The following OSGIN1 variants were observed in gnomAD, a reference collection of about 807,000 sequenced individuals.
OSGIN1 encodes the protein oxidative stress induced growth inhibitor 1.
OSGIN1 carries 19 observed loss-of-function variants against 20.1 expected under a neutral mutation model. The ratio of observed to expected loss-of-function variants is 0.95; its 90% CI spans 0.66 to 1.39. OSGIN1 has a LOEUF of 1.39. OSGIN1 is among the 40% of genes most tolerant of loss of function. The pLI is 0.00. For synonymous variants in OSGIN1, 368 were observed against 297.8 expected (o/e 1.24, Z -2.43); for missense variants, 820 against 653.0 (o/e 1.26, Z -2.79).
At chr16:83,954,993 A>C (rs1908858285) in intron 1 of OSGIN1, among the ~76,000 whole-genome samples, 1 of 152,082 alleles carries the variant, frequency 6.6e-6, no homozygotes. Flanking sequence ...ACGGGGATCA[A>C]ATATCAGTTC....
chr16:83,961,192 G>A (rs1481694717), intron 5 of OSGIN1, 120 bp downstream of exon 5: 5 of 754,258 alleles, frequency 6.6e-6, no homozygotes, highest in Non-Finnish European at 1.1e-5. Flanking sequence ...GGACGCGCCC[G>A]TGACAGCCTC....
chr16:83,961,232 G>T (rs902683028), intron 5 of OSGIN1, 160 bp downstream of exon 5: 1 of 612,680 alleles, frequency 1.6e-6, no homozygotes, highest in African/African-American at 1.8e-5. Flanking sequence ...TGCCCAAGGT[G>T]ATCCGGCACA....
chr16:83,965,333 C>A lies in OSGIN1; in HGVS notation c.760C>A (p.Arg254=), dbSNP rs199961054. ...LATGTFDSPA[R]LGIPGEALPF... is the part of the protein sequence containing the mutation. ...CACAGGCACGTTCGACAGCCCGGCC[C>A]GGCTGGGCATCCCCGGGGAGGCCCT... Residue 254 remains arginine (R), a synonymous_variant, in exon 6 of 6, where the codon CGG becomes AGG. Coordinates refer to ENST00000393306, the MANE Select transcript of OSGIN1 (RefSeq NM_182981.3). 2.5e-6 allele frequency: 4 copies of A among 1,573,942 alleles called. No homozygotes were observed. Among genetic ancestry groups the A allele is most frequent in the Middle Eastern group, 1.7e-4 (1 of 5,886 alleles).
rs1193294792 is a variant in OSGIN1 at position 83,966,273 on chromosome 16, G to A, written c.*266G>A. On this transcript the variant is annotated 3_prime_UTR_variant, in exon 6 of 6. Coordinates refer to ENST00000393306, the MANE Select transcript of OSGIN1 (RefSeq NM_182981.3). The stretch of plus-strand genomic sequence containing the variant: ...TGTGACCAGCTGAGCACCCAGCCAG[G>A]AGACCTGCAGCCCTGCGCCTTCCAG... 3.9e-6 allele frequency: 2 copies of A among 512,400 alleles called. No individual in the cohort carries two copies. Among genetic ancestry groups the A allele is most frequent in the African/African-American group, 3.8e-5 (2 of 52,326 alleles). The allele number at this position is 512,400 out of a possible 1,614,324, so 31.7% of individuals were successfully genotyped here. A position where few individuals can be genotyped will look rare whatever the true frequency, so the allele number is the denominator to read the frequency against.
At chr16:83,954,213 G>C (rs1908821348) in intron 1 of OSGIN1, 2 of 152,220 alleles carry the variant, frequency 1.3e-5, no homozygotes, top group South Asian at 2.1e-4. Context: ...AAAGGCAAAG[G>C]AGTAAATGGC....
In OSGIN1 at chr16:83,965,386, C is replaced by T; in HGVS notation, c.813C>T (p.Ala271=). 1.3e-6 allele frequency: 2 copies of T among 1,574,930 alleles called. No homozygotes were observed. The highest frequency in any genetic ancestry group is 1.7e-6 in the Non-Finnish European group (2 of 1,163,514). Residue 271 remains alanine (A), a synonymous_variant, in exon 6 of 6, where the codon GCC becomes GCT. Coordinates refer to ENST00000393306, the MANE Select transcript of OSGIN1 (RefSeq NM_182981.3). ...CCTTCATCCACCATGAGCTGTCTGC[C>T]CTGGAGGCCGCCACAAGGGTGGGTG... ...ALPFIHHELS[A]LEAATRVGAV...
chr16:83,957,522 G>T, intron 1 of OSGIN1, 118 bp from the exon 2 acceptor site: 1 of 641,032 alleles, frequency 1.6e-6, no homozygotes, highest in Middle Eastern at 2.7e-4. Flanking sequence ...GTCTCATGGG[G>T]ACCCCGGACC....
chr16:83,955,643 G>T (rs1259922357), intron 1 of OSGIN1, among the ~76,000 whole-genome samples: 1 of 152,224 alleles, frequency 6.6e-6, no homozygotes, highest in African/African-American at 2.4e-5. Flanking sequence ...CTGGCACCCA[G>T]CCCACTCCAC....
intron 1 of OSGIN1, among the ~76,000 whole-genome samples, chr16:83,956,241 A>G (rs1422627002): frequency 6.6e-6 from 1 of 152,142 alleles, no homozygotes; most frequent in Admixed American, 6.5e-5. Flanking sequence ...CTGGAGGTGG[A>G]CGAAGGTGTT....
chr16:83,953,326 A>G lies in OSGIN1; in HGVS notation c.-77A>G, dbSNP rs1487189542. 2 of 1,288,912 alleles carry G rather than the reference A, an allele frequency of 1.6e-6. No homozygotes were observed. Among genetic ancestry groups the G allele is most frequent in the South Asian group, 2.5e-5 (2 of 80,996 alleles). 79.8% of individuals were successfully genotyped at this position (1,288,912 alleles called of 1,614,324 possible). On this transcript the variant is annotated 5_prime_UTR_variant, in exon 1 of 6. Coordinates refer to ENST00000393306, the MANE Select transcript of OSGIN1 (RefSeq NM_182981.3). Reference sequence around the variant, plus strand: ...CGTGTTCCCCTGACCCTCCTAGTGCACAACTTGGCCGGGCTCACTGGGCTC... The same window carrying G: ...CGTGTTCCCCTGACCCTCCTAGTGCGCAACTTGGCCGGGCTCACTGGGCTC...
At chr16:83,962,470 T>C (rs1240482255) in intron 5 of OSGIN1, among the ~76,000 whole-genome samples, 1 of 152,230 alleles carries the variant, frequency 6.6e-6, no homozygotes, top group Non-Finnish European at 1.5e-5. Context: ...CTCGATCTCC[T>C]GATCTCGTGA....
chr16:83,957,753 C>T lies in OSGIN1; in HGVS notation c.67+15C>T, dbSNP rs1225553036. 2.0e-6 allele frequency: 3 copies of T among 1,520,604 alleles called. No homozygotes were observed. The highest frequency in any genetic ancestry group is 1.2e-5 in the South Asian group (1 of 84,496). 94.2% of individuals were successfully genotyped at this position (1,520,604 alleles called of 1,614,324 possible). On this transcript the variant is annotated intron_variant, in intron 2 of 5. Transcript: ENST00000393306. ...CATCATTGTGGGTGAGTGTCAGGCC[C>T]CAGCCAGGGAGGGGCTCCGCTGAGC...
intron 1 of OSGIN1, among the ~76,000 whole-genome samples, chr16:83,954,932 G>T (rs1908853979): frequency 6.6e-6 from 1 of 152,230 alleles, no homozygotes; most frequent in Non-Finnish European, 1.5e-5. Context: ...GATGGAGCAG[G>T]TTGGCTCACT....
intron 4 of OSGIN1, 28 bp downstream of exon 4, chr16:83,960,788 G>A (rs1466407767): frequency 1.2e-6 from 2 of 1,606,664 alleles, no homozygotes; most frequent in Admixed American, 1.7e-5. Context: ...GGCATGGCTT[G>A]TGGGGGGCTC....
Position 83,965,501 on chromosome 16 carries a change from C to T in OSGIN1, c.928C>T (p.Pro310Ser). ...AVLYARHYNI[P>S]VIHAFRRAVD... ...CCTCTACGCCCGCCACTACAACATC[C>T]CGGTGATCCATGCCTTCCGCCGGGC... is the stretch of plus-strand genomic sequence containing the variant. Residue 310 changes from proline (P) to serine (S), a missense_variant, in exon 6 of 6, where the codon CCG becomes TCG. Transcript: ENST00000393306. The T allele has an allele frequency of 6.2e-7, 1 of 1,611,774 alleles. No individual in the cohort carries two copies. The highest frequency in any genetic ancestry group is 2.2e-5 in the East Asian group (1 of 44,882).
At chr16:83,958,508 G>A (rs574087273) in intron 2 of OSGIN1, among the ~76,000 whole-genome samples, 5 of 152,316 alleles carry the variant, frequency 3.3e-5, no homozygotes, top group Non-Finnish European at 5.9e-5. Flanking sequence ...ATTAAGCCAC[G>A]TGAGATGGTC....
In OSGIN1 at chr16:83,965,947, G is replaced by A. The variant is rs1372623172; in HGVS notation, c.1374G>A (p.Gln458=). ...GGGACAACTTCGTGAGGTTTGTGCAGGGGGGCGCCTTGGCTGTGGCCAGCT... is the reference window on the plus strand; with the variant it reads ...GGGACAACTTCGTGAGGTTTGTGCAAGGGGGCGCCTTGGCTGTGGCCAGCT... ...LAGDNFVRFV[Q]GGALAVASSL... The change falls in exon 6 of 6, where the codon CAG becomes CAA. Residue 458 remains glutamine, a synonymous_variant. Transcript: ENST00000393306. The A allele has an allele frequency of 1.2e-6, 2 of 1,611,066 alleles. No homozygotes were observed. The highest frequency in any genetic ancestry group is 3.3e-5 in the Admixed American group (2 of 59,784).
intron 1 of OSGIN1, among the ~76,000 whole-genome samples, chr16:83,955,093 C>G (rs2151074415): frequency 6.6e-6 from 1 of 152,288 alleles, no homozygotes; most frequent in South Asian, 2.1e-4. Flanking sequence ...CTAGGAGGAT[C>G]AAAGGAGGTG....
intron 1 of OSGIN1, among the ~76,000 whole-genome samples, chr16:83,957,376 G>A (rs895668088): frequency 1.3e-5 from 2 of 152,108 alleles, no homozygotes; most frequent in East Asian, 1.9e-4. Context: ...AGTGAGGCTC[G>A]GAGGGACAGT....
Sources: allele counts gnomAD v4.1 joint callset (sites outside exome capture counted in the v4.1 genomes callset), GRCh38; gene constraint gnomAD v4.1.1; transcripts MANE v1.5; gene names NCBI Gene and HGNC (gene_info 2026-07-23, HGNC 2026-07-21).